CASR: variants seen among roughly 807,000 people sequenced by gnomAD.
CASR encodes the protein extracellular calcium-sensing receptor.
A neutral mutation model predicts 69.1 loss-of-function variants in CASR; 23 were observed. The ratio of observed to expected loss-of-function variants is 0.33; its 90% CI spans 0.24 to 0.47. CASR has a LOEUF of 0.47. Among genes scored for constraint, CASR ranks in the 20% least tolerant of loss-of-function variants. CASR has a pLI of 1.00. For synonymous variants in CASR, 541 were observed against 544.7 expected (o/e 0.99, Z 0.10); for missense variants, 924 against 1,356.1 (o/e 0.68, Z 5.00).
intron 1 of CASR, among the ~76,000 whole-genome samples, chr3:122,226,087 G>T (rs990083919): frequency 6.6e-6 from 1 of 152,148 alleles, no homozygotes; most frequent in South Asian, 2.1e-4. Context: ...GGGGAAGATG[G>T]GGGGGTAGTG....
chr3:122,201,328 G>A (rs958699341), intron 1 of CASR, among the ~76,000 whole-genome samples: 4 of 152,192 alleles, frequency 2.6e-5, no homozygotes, highest in Admixed American at 6.5e-5. Flanking sequence ...TAAGGTCATA[G>A]ATCAACAGGA....
chr3:122,241,302 A>T (rs544263953), intron 1 of CASR, among the ~76,000 whole-genome samples: 85 of 152,242 alleles, frequency 5.6e-4, no homozygotes, highest in African/African-American at 2.0e-3. Flanking sequence ...CTAGGAAAAA[A>T]TGAGAGAAGA....
intron 1 of CASR, among the ~76,000 whole-genome samples, chr3:122,211,223 CA>C (rs138377571): frequency 0.24 from 36,437 of 152,028 alleles, 5,410 homozygotes; most frequent in Admixed American, 0.43. Context: ...GCAACACAAG[CA>C]AAAACTGACA....
chr3:122,248,647 G>A (rs1408617759), intron 1 of CASR, among the ~76,000 whole-genome samples: 2 of 146,698 alleles, frequency 1.4e-5, no homozygotes, highest in African/African-American at 5.1e-5. Context: ...TTCAAAAATA[G>A]TAGCTTTTGA....
At chr3:122,263,978 GCAAGA>G (rs769636446) in intron 4 of CASR, among the ~76,000 whole-genome samples, 11 of 152,094 alleles carry the variant, frequency 7.2e-5, no homozygotes, top group Non-Finnish European at 1.3e-4. Context: ...TGAAAAAACT[GCAAGA>G]CAAGAGTAGG....
At chr3:122,205,307 T>C (rs1159403780) in intron 1 of CASR, among the ~76,000 whole-genome samples, 1 of 152,124 alleles carries the variant, frequency 6.6e-6, no homozygotes, top group East Asian at 1.9e-4. Context: ...GTTACCAGTT[T>C]TCCCAGCACC....
chr3:122,223,775 G>A (rs910230501), intron 1 of CASR, among the ~76,000 whole-genome samples: 7 of 151,954 alleles, frequency 4.6e-5, no homozygotes, highest in African/African-American at 1.2e-4. Flanking sequence ...GATGAACATC[G>A]ATGCAAAAAT....
chr3:122,271,406 C>A (rs534165755), intron 4 of CASR, among the ~76,000 whole-genome samples: 5 of 152,308 alleles, frequency 3.3e-5, no homozygotes, highest in East Asian at 1.9e-4. Flanking sequence ...CTCTTCCCTC[C>A]TGCCTACTCT....
rs544224342 is a variant in CASR, at chr3:122,275,155, T to C, written c.1378-657T>C. On this transcript the variant is annotated intron_variant, in intron 4 of 6. Transcript: ENST00000639785. ...AGTAAAATGACTGATATCTAAAATG[T>C]TTACATGACAACATGTGGTATGTGT... Among the ~76,000 whole-genome samples, 5 of 152,352 alleles carry C rather than the reference T, an allele frequency of 3.3e-5. No individual in the cohort carries two copies. The South Asian group carries it at 8.3e-4, about 25-fold the overall frequency.
intron 1 of CASR, among the ~76,000 whole-genome samples, chr3:122,232,733 A>C (rs986714919): frequency 1.3e-5 from 2 of 152,120 alleles, no homozygotes; most frequent in African/African-American, 4.8e-5. Flanking sequence ...CTTCAATTAG[A>C]TGATCTCGAA....
chr3:122,239,919 A>C (rs1236056575), intron 1 of CASR, among the ~76,000 whole-genome samples: 2 of 152,232 alleles, frequency 1.3e-5, no homozygotes. Context: ...CAAATCTAAG[A>C]GTTACTGGTC....
chr3:122,284,641 G>T lies in CASR; in HGVS notation c.2687G>T (p.Arg896Leu), dbSNP rs773552397. ...ACGCTGCGCCGCAGCAACGTCTCCC[G>T]CAAGCGGTCCAGCAGCCTTGGAGGC... The part of the protein sequence containing the change: ...RATLRRSNVS[R>L]KRSSSLGGST... Residue 896 changes from arginine (R) to leucine (L), a missense_variant, in exon 7 of 7, where the codon CGC becomes CTC. By Grantham distance (102) the Arg-to-Leu change is moderately radical. This residue lies in a region of CASR where 201 missense variants were observed against 228.8 expected (regional missense o/e 0.88). Coordinates refer to ENST00000639785, the MANE Select transcript of CASR (RefSeq NM_000388.4). The T allele has an allele frequency of 6.2e-7, 1 of 1,613,974 alleles. No individual in the cohort carries two copies. The highest frequency in any genetic ancestry group is 1.1e-5 in the South Asian group (1 of 91,058).
In CASR at chr3:122,262,247, C is replaced by T. The variant is rs967661303; in HGVS notation, c.1212C>T (p.Val404=). 8.1e-6 allele frequency: 13 copies of T among 1,614,140 alleles called. No homozygotes were observed. The highest frequency in any genetic ancestry group is 1.1e-5 in the South Asian group (1 of 91,082). The change falls in exon 4 of 7, where the codon GTC becomes GTT. Residue 404 remains valine (V), a synonymous_variant. Coordinates refer to ENST00000639785, the MANE Select transcript of CASR (RefSeq NM_000388.4). ...CAGGGGATGAGAACATCAGCAGTGT[C>T]GAGACCCCTTACATAGATTACACGC... ...LCTGDENISS[V]ETPYIDYTHL...
intron 4 of CASR, among the ~76,000 whole-genome samples, chr3:122,274,348 T>C (rs1302334429): frequency 6.6e-6 from 1 of 152,224 alleles, no homozygotes; most frequent in Non-Finnish European, 1.5e-5. Flanking sequence ...TCCAAGTGAC[T>C]CCTCTCCTGT....
chr3:122,264,007 CA>C (rs1427159675), intron 4 of CASR, among the ~76,000 whole-genome samples: 1 of 151,740 alleles, frequency 6.6e-6, no homozygotes, highest in Non-Finnish European at 1.5e-5. Flanking sequence ...GAAGGAAAAA[CA>C]GGCTTCAAGG....
At chr3:122,236,389 C>A (rs2074329411) in intron 1 of CASR, among the ~76,000 whole-genome samples, 1 of 152,092 alleles carries the variant, frequency 6.6e-6, no homozygotes, top group East Asian at 1.9e-4. Flanking sequence ...GCTGAAGGGG[C>A]CAGCTAATAA....
chr3:122,251,086 G>A (rs555175803), intron 1 of CASR, among the ~76,000 whole-genome samples: 1 of 152,284 alleles, frequency 6.6e-6, no homozygotes, highest in East Asian at 1.9e-4. Flanking sequence ...ATTACAGGAG[G>A]AGACTCCATG....
At chr3:122,205,627 A>G (rs2073998997) in intron 1 of CASR, among the ~76,000 whole-genome samples, 1 of 151,954 alleles carries the variant, frequency 6.6e-6, no homozygotes, top group Admixed American at 6.6e-5. Flanking sequence ...TTTGATAGGG[A>G]TTGCATTGAA....
intron 1 of CASR, 60 bp downstream of exon 1, chr3:122,183,872 G>GA (rs370234240): frequency 0.13 from 19,190 of 148,920 alleles, 1,306 homozygotes; most frequent in Middle Eastern, 0.18. Context: ...CCTTATATCA[G>GA]AAAAAAAAAA....
Sources: gnomAD v4.1 joint callset for allele counts (sites outside exome capture counted in the v4.1 genomes callset) on GRCh38, gnomAD v4.1.1 for gene constraint, gnomAD v4.1.1 regional missense constraint, MANE v1.5 for transcripts, NCBI Gene and HGNC (gene_info 2026-07-23, HGNC 2026-07-21) for gene names.